The following STX8 variants were observed in gnomAD, a reference collection of about 807,000 sequenced individuals.
STX8 encodes syntaxin 8, also known as syntaxin-8.
In STX8, 23 loss-of-function variants were observed where a neutral mutation model predicts 37.5. The ratio of observed to expected loss-of-function variants is 0.61; its 90% confidence interval spans 0.44 to 0.87. The LOEUF (loss-of-function observed/expected upper bound fraction) is 0.87, where lower values mean the gene tolerates loss of function less well. STX8 is among the 40% of genes least tolerant of loss of function. The pLI, the probability that STX8 is intolerant of heterozygous loss-of-function variation, is 0.00. For missense variants in STX8, 313 were observed against 284.7 expected, an observed-to-expected ratio of 1.10 and a Z score of -0.71; for synonymous variants, 115 against 99.1, an observed-to-expected ratio of 1.16 and a Z score of -0.95.
intron 7 of STX8, among the ~76,000 whole-genome samples, chr17:9,302,633 C>T (rs1483117759): frequency 1.3e-5 from 2 of 152,122 alleles, no homozygotes; most frequent in African/African-American, 2.4e-5. Flanking sequence ...TGCTCTTTTC[C>T]GCTTCTGAAG....
chr17:9,267,945 C>T (rs186542072), intron 7 of STX8, among the ~76,000 whole-genome samples: 58 of 147,426 alleles, frequency 3.9e-4, no homozygotes, highest in Non-Finnish European at 5.9e-4. Context: ...GAGCTGAGAT[C>T]GTGCCATTGC....
rs1258778426 is a variant in STX8 at position 9,557,650 on chromosome 17, TACTCA to T, written c.118-127_118-123del. On this transcript the variant is annotated intron_variant, in intron 2 of 7. Coordinates refer to ENST00000306357, the MANE Select transcript of STX8 (RefSeq NM_004853.3). ...CCAAGCAAGGGCTGGAAGAGATAGA[TACTCA>T]GCCCCTCACGACAAACTCAGGGCTG... is the stretch of plus-strand genomic sequence containing the variant. The T allele has an allele frequency of 5.0e-6, 4 of 806,972 alleles. No homozygotes were observed. In the African/African-American group the frequency reaches 6.8e-5, roughly 14 times the overall value. The allele number at this position is 806,972 out of a possible 1,614,324, so 50.0% of individuals were successfully genotyped here. A position where few individuals can be genotyped will look rare whatever the true frequency, so the allele number is the denominator to read the frequency against.
intron 6 of STX8, among the ~76,000 whole-genome samples, chr17:9,447,505 C>T (rs1359425496): frequency 6.6e-6 from 1 of 152,196 alleles, no homozygotes; most frequent in Non-Finnish European, 1.5e-5. Context: ...TCACTGCAAC[C>T]TCGGCCTCCC....
At chr17:9,277,121 C>G (rs1907704409) in intron 7 of STX8, among the ~76,000 whole-genome samples, 1 of 152,112 alleles carries the variant, frequency 6.6e-6, no homozygotes, top group South Asian at 2.1e-4. Flanking sequence ...CCAGAATCAC[C>G]TTTTAACATC....
At chr17:9,543,020 T>A (rs77798221) in intron 4 of STX8, among the ~76,000 whole-genome samples, 1,704 of 152,272 alleles carry the variant, frequency 0.011, 36 homozygotes, top group African/African-American at 0.038. Context: ...GGTTGGCCCC[T>A]TCAGCATCAT....
intron 7 of STX8, among the ~76,000 whole-genome samples, chr17:9,369,886 C>CAAAAAAAA (rs60178482): frequency 3.3e-4 from 17 of 52,124 alleles, no homozygotes; most frequent in Non-Finnish European, 4.4e-4. Context: ...GACCCTGTAC[C>CAAAAAAAA]AAAAAAAAAA....
At chr17:9,422,533 A>G (rs1913476728) in intron 6 of STX8, among the ~76,000 whole-genome samples, 1 of 152,248 alleles carries the variant, frequency 6.6e-6, no homozygotes, top group Admixed American at 6.5e-5. Flanking sequence ...TTTCATAAAA[A>G]TGGAATCATA....
intron 4 of STX8, among the ~76,000 whole-genome samples, chr17:9,523,360 T>A (rs981876932): frequency 6.9e-6 from 1 of 144,420 alleles, no homozygotes; most frequent in East Asian, 2.0e-4. Flanking sequence ...TGTACACTTA[T>A]ATGTCAATTA....
chr17:9,260,343 G>T (rs891439520), intron 7 of STX8, among the ~76,000 whole-genome samples: 9 of 150,228 alleles, frequency 6.0e-5, no homozygotes, highest in East Asian at 2.0e-4. Context: ...AGTCAAGAAG[G>T]CCGGGCGCGG....
intron 4 of STX8, among the ~76,000 whole-genome samples, chr17:9,519,200 C>G (rs899538492): frequency 6.6e-6 from 1 of 152,182 alleles, no homozygotes; most frequent in African/African-American, 2.4e-5. Flanking sequence ...GGTTCTTTAT[C>G]TGCATTTGTG....
chr17:9,365,841 T>C (rs1268539807), intron 7 of STX8, among the ~76,000 whole-genome samples: 5 of 152,102 alleles, frequency 3.3e-5, no homozygotes, highest in Admixed American at 1.3e-4. Context: ...GGCATGGTGG[T>C]GTGCACCTGT....
At chr17:9,428,417 T>G (rs903580652) in intron 6 of STX8, among the ~76,000 whole-genome samples, 1 of 152,136 alleles carries the variant, frequency 6.6e-6, no homozygotes, top group Non-Finnish European at 1.5e-5. Context: ...ATTTTTTGTA[T>G]TTTTAGTAGA....
At chr17:9,390,268 TCCCAGCAC>T (rs1912165820) in intron 6 of STX8, among the ~76,000 whole-genome samples, 1 of 152,144 alleles carries the variant, frequency 6.6e-6, no homozygotes, top group East Asian at 1.9e-4. Context: ...AGGCCTGTAA[TCCCAGCAC>T]TTTGGGAGGC....
intron 6 of STX8, among the ~76,000 whole-genome samples, chr17:9,400,265 G>A (rs1392287570): frequency 6.6e-6 from 1 of 151,548 alleles, no homozygotes; most frequent in Non-Finnish European, 1.5e-5. Context: ...ACCACGCTCA[G>A]CTAATTTTTT....
chr17:9,441,360 T>TGC (rs1555527739), intron 6 of STX8, among the ~76,000 whole-genome samples: 119 of 151,706 alleles, frequency 7.8e-4, no homozygotes, highest in South Asian at 1.7e-3. Context: ...TGTGGTGGCA[T>TGC]GCACCTGTAG....
At chr17:9,543,463 TTTG>T (rs957696152) in intron 4 of STX8, among the ~76,000 whole-genome samples, 2 of 151,980 alleles carry the variant, frequency 1.3e-5, no homozygotes, top group Non-Finnish European at 2.9e-5. Context: ...CGGCTACTTT[TTTG>T]TTGTTGTTGT....
At chr17:9,433,147 G>A (rs7211026) in intron 6 of STX8, among the ~76,000 whole-genome samples, 11 of 152,178 alleles carry the variant, frequency 7.2e-5, no homozygotes, top group African/African-American at 1.9e-4. Context: ...AATCACCATC[G>A]TCATAATGCA....
At position 9,345,037 on chromosome 17, in the gene STX8, G is replaced by A. The variant is rs577214861; in HGVS notation, c.643+33515C>T. Among the ~76,000 whole-genome samples the A allele has an allele frequency of 8.5e-5, 13 of 152,132 alleles. No individual in the cohort carries two copies. The South Asian group carries it at 2.5e-3, about 29-fold the overall frequency. On this transcript the variant is annotated intron_variant, in intron 7 of 7. Coordinates refer to ENST00000306357, the MANE Select transcript of STX8 (RefSeq NM_004853.3). ...AGGAGACAGGTGATATGGCATCCTG[G>A]GGCCACAGTTCCACAGGGTAGCAGA...
At chr17:9,343,706 T>G (rs1376643987) in intron 7 of STX8, among the ~76,000 whole-genome samples, 1 of 152,060 alleles carries the variant, frequency 6.6e-6, no homozygotes, top group Non-Finnish European at 1.5e-5. Context: ...CCAGCAGACT[T>G]CTCACAGACT....
Sources: gnomAD v4.1 joint callset for allele counts (sites outside exome capture counted in the v4.1 genomes callset) on GRCh38, gnomAD v4.1.1 for gene constraint, MANE v1.5 for transcripts, NCBI Gene and HGNC (gene_info 2026-07-23, HGNC 2026-07-21) for gene names.